The following CNTNAP2 variants were observed in gnomAD, a reference collection of about 807,000 sequenced individuals.
CNTNAP2 encodes the protein contactin-associated protein-like 2.
CNTNAP2 carries 98 observed loss-of-function variants against 155.2 expected under a neutral mutation model. The ratio of observed to expected loss-of-function variants is 0.63; its 90% confidence interval spans 0.54 to 0.75. The LOEUF is 0.75. CNTNAP2 is among the 30% of genes least tolerant of loss of function. The pLI is 0.00. For synonymous variants in CNTNAP2, 651 were observed against 631.2 expected (o/e 1.03, Z -0.47); for missense variants, 1,727 against 1,688.1 (o/e 1.02, Z -0.40).
chr7:148,147,520 G>A lies in CNTNAP2; in HGVS notation c.2584G>A (p.Val862Met). 1.9e-6 allele frequency: 3 copies of A among 1,614,074 alleles called. No homozygotes were observed. Among genetic ancestry groups the A allele is most frequent in the Non-Finnish European group, 1.7e-6 (2 of 1,180,028 alleles). The stretch of plus-strand genomic sequence containing the variant: ...CACAGAAGTGTCCTTTTCATTTGAT[G>A]TGGGAAATGGGCCAGTAGAGATTGT... The part of the protein sequence containing the change: ...SATEVSFSFD[V>M]GNGPVEIVVR... Residue 862 changes from valine to methionine, a missense_variant, in exon 17 of 24, where the codon GTG becomes ATG. Val to Met is a conservative substitution (Grantham distance 21). Transcript: ENST00000361727.
At chr7:147,365,962 G>A (rs1344527307) in intron 9 of CNTNAP2, among the ~76,000 whole-genome samples, 1 of 152,000 alleles carries the variant, frequency 6.6e-6, no homozygotes, top group Non-Finnish European at 1.5e-5. Flanking sequence ...TAAATAGTTG[G>A]CCGTTTTTTA....
intron 10 of CNTNAP2, among the ~76,000 whole-genome samples, chr7:147,440,194 A>G (rs184671489): frequency 6.6e-6 from 1 of 151,764 alleles, no homozygotes; most frequent in East Asian, 1.9e-4. Context: ...CTGATTATAT[A>G]ATTTAGTTTC....
chr7:147,217,086 T>A (rs1442263078), intron 8 of CNTNAP2, among the ~76,000 whole-genome samples: 2 of 151,982 alleles, frequency 1.3e-5, no homozygotes, highest in African/African-American at 2.4e-5. Context: ...TTGTTGATTT[T>A]AAAAAAATTC....
chr7:147,495,062 G>T (rs6978820), intron 11 of CNTNAP2, among the ~76,000 whole-genome samples: 43,519 of 152,016 alleles, frequency 0.29, 6,360 homozygotes, highest in East Asian at 0.43. Flanking sequence ...TTATGAAGTA[G>T]ACAAGGTAGT....
chr7:146,862,704 T>G (rs1795127496), intron 3 of CNTNAP2, among the ~76,000 whole-genome samples: 2 of 152,200 alleles, frequency 1.3e-5, no homozygotes, highest in Non-Finnish European at 2.9e-5. Context: ...TTTATCTGAG[T>G]TTTCTTAAAC....
intron 1 of CNTNAP2, among the ~76,000 whole-genome samples, chr7:146,490,007 A>G (rs577274726): frequency 6.6e-6 from 1 of 152,284 alleles, no homozygotes; most frequent in African/African-American, 2.4e-5. Flanking sequence ...ATCAATCAGA[A>G]GAAAGCGCAT....
intron 13 of CNTNAP2, chr7:147,850,072 C>T (rs759439312): frequency 5.3e-5 from 8 of 152,174 alleles, no homozygotes; most frequent in African/African-American, 1.9e-4. Flanking sequence ...AAAGAGGCAA[C>T]ATTTTAAGAC....
intron 13 of CNTNAP2, among the ~76,000 whole-genome samples, chr7:147,815,839 C>T (rs985245190): frequency 1.6e-4 from 24 of 152,292 alleles, no homozygotes; most frequent in African/African-American, 5.3e-4. Flanking sequence ...ACCAGGGCTC[C>T]GCGGGCTGCC....
At chr7:146,133,721 T>C (rs1215682567) in intron 1 of CNTNAP2, among the ~76,000 whole-genome samples, 5 of 152,186 alleles carry the variant, frequency 3.3e-5, no homozygotes, top group Admixed American at 6.5e-5. Flanking sequence ...GTCAGATAGT[T>C]GTAAATATGT....
chr7:148,208,084 G>A (rs1795482824), intron 18 of CNTNAP2, among the ~76,000 whole-genome samples: 1 of 128,422 alleles, frequency 7.8e-6, no homozygotes, highest in East Asian at 2.3e-4. Flanking sequence ...GCGAGACTCC[G>A]TGTCAAAAAA....
At chr7:146,599,734 C>T (rs1038401810) in intron 1 of CNTNAP2, among the ~76,000 whole-genome samples, 1 of 77,550 alleles carries the variant, frequency 1.3e-5, no homozygotes, top group Non-Finnish European at 2.5e-5. Context: ...GCCAGAAAGA[C>T]GACAGACAGA....
chr7:147,135,370 A>G (rs1249472635), intron 8 of CNTNAP2, among the ~76,000 whole-genome samples: 1 of 151,804 alleles, frequency 6.6e-6, no homozygotes, highest in Non-Finnish European at 1.5e-5. Flanking sequence ...CAAACAAACA[A>G]CAACAACAAA....
chr7:148,108,181 C>T (rs956384380), intron 15 of CNTNAP2, among the ~76,000 whole-genome samples: 4 of 152,188 alleles, frequency 2.6e-5, no homozygotes, highest in African/African-American at 4.8e-5. Context: ...AGTTATCTCC[C>T]GTAAACATTT....
intron 13 of CNTNAP2, among the ~76,000 whole-genome samples, chr7:147,746,931 T>G (rs1231037852): frequency 2.0e-5 from 3 of 152,192 alleles, no homozygotes; most frequent in African/African-American, 4.8e-5. Context: ...ATCTCTCTTT[T>G]ATTTTGCTAG....
chr7:146,560,758 A>T (rs547705307), intron 1 of CNTNAP2, among the ~76,000 whole-genome samples: 1 of 152,240 alleles, frequency 6.6e-6, no homozygotes, highest in African/African-American at 2.4e-5. Flanking sequence ...AACCAAGAAA[A>T]TGTCAGCCAC....
intron 14 of CNTNAP2, among the ~76,000 whole-genome samples, chr7:147,975,959 TG>T (rs368383743): frequency 6.6e-6 from 1 of 152,136 alleles, no homozygotes; most frequent in East Asian, 1.9e-4. Flanking sequence ...TTTTAGACTT[TG>T]GGGGGGTCTT....
chr7:147,203,331 G>T (rs1488519874), intron 8 of CNTNAP2, among the ~76,000 whole-genome samples: 2 of 152,134 alleles, frequency 1.3e-5, no homozygotes, highest in Middle Eastern at 3.4e-3. Flanking sequence ...TGCAAACTCG[G>T]CCTCCCAGGT....
chr7:147,425,704 T>G (rs906642860), intron 10 of CNTNAP2, among the ~76,000 whole-genome samples: 2 of 152,156 alleles, frequency 1.3e-5, no homozygotes, highest in Non-Finnish European at 2.9e-5. Flanking sequence ...TTCGTCCATA[T>G]ACCCAAGGAA....
At chr7:148,273,854 A>G (rs1179026123) in intron 21 of CNTNAP2, among the ~76,000 whole-genome samples, 1 of 152,200 alleles carries the variant, frequency 6.6e-6, no homozygotes, top group African/African-American at 2.4e-5. Context: ...TATTTCTATT[A>G]TAATCTAAAT....
Sources: allele counts gnomAD v4.1 joint callset (sites outside exome capture counted in the v4.1 genomes callset), GRCh38; gene constraint gnomAD v4.1.1; transcripts MANE v1.5; gene names NCBI Gene and HGNC (gene_info 2026-07-23, HGNC 2026-07-21).